Variants in XAB2 observed in about 807,000 individuals in gnomAD.
XAB2 encodes the protein pre-mRNA-splicing factor SYF1.
Under a neutral mutation model 113.4 loss-of-function variants are expected in XAB2, and 57 were observed. That is an observed-to-expected ratio of 0.50 (90% CI 0.41 to 0.63). XAB2 has a LOEUF of 0.63. Ranked by LOEUF, XAB2 falls within the 20% of genes least tolerant of loss-of-function variation. The pLI, the probability that XAB2 is intolerant of heterozygous loss-of-function variation, is 0.00. For synonymous variants in XAB2, 497 were observed against 498.8 expected, an observed-to-expected ratio of 1.00 and a Z score of 0.05; for missense variants, 1,037 against 1,233.3, an observed-to-expected ratio of 0.84 and a Z score of 2.38.
At position 7,627,979 on chromosome 19, in the gene XAB2, C is replaced by G. The variant is rs1458441825; in HGVS notation, c.201-128G>C. Reference sequence around the variant, plus strand: ...GAGGGGTGACATGTCTCAGCAATGACAGGGACAGACTGGGACATCAGAGAA... The same window carrying G: ...GAGGGGTGACATGTCTCAGCAATGAGAGGGACAGACTGGGACATCAGAGAA... On this transcript the variant is annotated intron_variant, in intron 2 of 18. Coordinates refer to ENST00000358368, the MANE Select transcript of XAB2 (RefSeq NM_020196.3). This position sits in a 1 kb window ranked among gnomAD's most constrained non-coding sequence, Gnocchi z 4.5. The G allele has an allele frequency of 6.0e-6, 9 of 1,501,982 alleles. No individual in the cohort carries two copies. In the Admixed American group the frequency reaches 7.5e-5, roughly 13 times the overall value. The allele number at this position is 1,501,982 out of a possible 1,614,324, so 93.0% of individuals were successfully genotyped here.
chr19:7,629,452 A>C (rs749236552), intron 1 of XAB2, 25 bp downstream of exon 1: 1 of 1,581,992 alleles, frequency 6.3e-7, no homozygotes, highest in Admixed American at 1.8e-5. Flanking sequence ...AACGCAGGCC[A>C]CCCCCGGCTC....
Position 7,620,654 on chromosome 19 carries a change from G to C in XAB2, c.1987C>G (p.His663Asp). ...AACCGCAGGCACATCTCACGCGCGT[G>C]CTCGTCCGACAGCACCTGGACACCG... ...QKAIEVLSDE[H>D]AREMCLRFAD... Residue 663 changes from histidine (H) to aspartate (D), a missense_variant, in exon 15 of 19, where the codon CAC becomes GAC. Physicochemically the swap from His to Asp is moderately conservative, Grantham distance 81. Transcript: ENST00000358368. 6.2e-7 allele frequency: 1 copy of C among 1,612,860 alleles called. No individual in the cohort carries two copies. Among genetic ancestry groups the C allele is most frequent in the Non-Finnish European group, 8.5e-7 (1 of 1,179,916 alleles).
Position 7,620,855 on chromosome 19 carries a change from C to T in XAB2, c.1962G>A (p.Lys654=). The change falls in exon 14 of 19, where the codon AAG becomes AAA. Residue 654 remains lysine, a synonymous_variant. Coordinates refer to ENST00000358368, the MANE Select transcript of XAB2 (RefSeq NM_020196.3). ...GVTHTRGIYQ[K]AIEVLSDEHA... is the part of the protein sequence containing the mutation. ...CCCCCACGGTGGGTACCTCAATGGC[C>T]TTCTGGTAGATGCCGCGGGTGTGGG... 1 of 1,584,654 alleles carries T rather than the reference C, an allele frequency of 6.3e-7. No homozygotes were observed. The highest frequency in any genetic ancestry group is 8.6e-7 in the Non-Finnish European group (1 of 1,164,176).
chr19:7,626,039 C>T lies in XAB2; in HGVS notation c.663G>A (p.Trp221Ter). 2 of 1,608,924 alleles carry T rather than the reference C, an allele frequency of 1.2e-6. No individual in the cohort carries two copies. The highest frequency in any genetic ancestry group is 1.7e-6 in the Non-Finnish European group (2 of 1,176,150). The change falls in exon 6 of 19, where the codon TGG (tryptophan) becomes TGA (stop). Residue 221 changes from tryptophan to a stop codon, truncating the protein, a stop_gained. Transcript: ENST00000358368. LOFTEE classifies it high-confidence loss of function. ...SKAGKSNYQL[W>*]HELCDLISQN... is the part of the protein sequence containing the mutation. The stretch of plus-strand genomic sequence containing the variant: ...GGGAGATGAGGTCGCACAGCTCGTG[C>T]CACAGCTGCAGGGCATGGGGCAGTG...
In XAB2 at chr19:7,624,396, T is replaced by G; in HGVS notation, c.872A>C (p.Asp291Ala). ...EAIRTVMTVRDFTQVFDSYAQ... is the reference protein window; with the variant it reads ...EAIRTVMTVRAFTQVFDSYAQ... ...GTAGCTGTCAAACACCTGTGTGAAG[T>G]CCCGCACGGTCATCACTGTCCGGAT... is the stretch of plus-strand genomic sequence containing the variant. Residue 291 changes from aspartate (D) to alanine (A), a missense_variant, in exon 7 of 19, where the codon GAC becomes GCC. Transcript: ENST00000358368. The surrounding 1 kb of genome is among the most constrained non-coding windows in gnomAD (Gnocchi z 4.2). 6.2e-7 allele frequency: 1 copy of G among 1,614,084 alleles called. No homozygotes were observed. The highest frequency in any genetic ancestry group is 8.5e-7 in the Non-Finnish European group (1 of 1,179,994).
At position 7,620,062 on chromosome 19, in the gene XAB2, G is replaced by C. The variant is rs1036958441; in HGVS notation, c.2280C>G (p.Ala760=). The change falls in exon 17 of 19, where the codon GCC becomes GCG. Residue 760 remains alanine (A), a synonymous_variant. Coordinates refer to ENST00000358368, the MANE Select transcript of XAB2 (RefSeq NM_020196.3). ...GSATGTVSDL[A]PGQSGMDDMK... ...TGTCGTCCATGCCACTCTGCCCAGG[G>C]GCCAGGTCAGACACTAGGGGGTGGG... is the stretch of plus-strand genomic sequence containing the variant. 4 of 1,611,672 alleles carry C rather than the reference G, an allele frequency of 2.5e-6. No homozygotes were observed. Among genetic ancestry groups the C allele is most frequent in the Admixed American group, 3.3e-5 (2 of 59,972 alleles).
Position 7,626,287 on chromosome 19 carries a change from C to A in XAB2, c.523-17G>T. 2 of 1,601,022 alleles carry A rather than the reference C, an allele frequency of 1.2e-6. No homozygotes were observed. Among genetic ancestry groups the A allele is most frequent in the Non-Finnish European group, 1.7e-6 (2 of 1,173,924 alleles). ...AGGACTCAGCTGGGGACCGAGCCAC[C>A]CCTCAGGCAGTCAGTGGGGTGGCAG... is the stretch of plus-strand genomic sequence containing the variant. On this transcript the variant is annotated splice_polypyrimidine_tract_variant and intron_variant, in intron 4 of 18. Coordinates refer to ENST00000358368, the MANE Select transcript of XAB2 (RefSeq NM_020196.3).
Position 7,621,127 on chromosome 19 carries a change from C to T in XAB2, c.1780+8G>A, listed in dbSNP as rs747972324. 1.1e-5 allele frequency: 17 copies of T among 1,587,238 alleles called. No individual in the cohort carries two copies. Among genetic ancestry groups the T allele is most frequent in the African/African-American group, 6.7e-5 (5 of 74,412 alleles). ...CGCCACCCCCCCCATGCCCTCTGCC[C>T]GCCTCACTCTTGGCATATTTTGGGG... On this transcript the variant is annotated splice_region_variant and intron_variant, in intron 13 of 18. Transcript: ENST00000358368.
intron 12 of XAB2, 123 bp downstream of exon 12, chr19:7,622,208 T>G: frequency 2.2e-6 from 2 of 926,870 alleles, no homozygotes; most frequent in Non-Finnish European, 3.4e-6. Context: ...TAAATCTTTG[T>G]TGTTTAAGTC....
At position 7,628,817 on chromosome 19, in the gene XAB2, G is replaced by GC. The variant is rs1263712155; in HGVS notation, c.52-520dup. On this transcript the variant is annotated intron_variant, in intron 1 of 18. Transcript: ENST00000358368. The surrounding 1 kb of genome is among the most constrained non-coding windows in gnomAD (Gnocchi z 4.6). ...GTCCAGATTCCAAGCCACTAGCCCC[G>GC]CCCCCAGGATCCCACTAGCCAGCGT... Among the ~76,000 whole-genome samples the GC allele has an allele frequency of 6.6e-6, 1 of 152,012 alleles. No homozygotes were observed. Among genetic ancestry groups the GC allele is most frequent in the African/African-American group, 2.4e-5 (1 of 41,366 alleles).
In XAB2 at chr19:7,625,756, G is replaced by T; in HGVS notation, c.822+124C>A. ...GGCCTCCCAAAGTGCTGGGATGACA[G>T]GTGTGAGCCACCACACCCAGCCATA... On this transcript the variant is annotated intron_variant, in intron 6 of 18. Coordinates refer to ENST00000358368, the MANE Select transcript of XAB2 (RefSeq NM_020196.3). This position sits in a 1 kb window ranked among gnomAD's most constrained non-coding sequence, Gnocchi z 5.2. The T allele has an allele frequency of 7.4e-7, 1 of 1,343,238 alleles. No individual in the cohort carries two copies. The highest frequency in any genetic ancestry group is 9.9e-7 in the Non-Finnish European group (1 of 1,005,262). The allele number at this position is 1,343,238 out of a possible 1,614,324, so 83.2% of individuals were successfully genotyped here. A position where few individuals can be genotyped will look rare whatever the true frequency, so the allele number is the denominator to read the frequency against.
chr19:7,624,514 A>G lies in XAB2; in HGVS notation c.823-69T>C, dbSNP rs2031100187. ...GGGGACAGGCAGCAGCACTCTTAGC[A>G]CCAGCCTCAATGTGGAACCCCTGGG... On this transcript the variant is annotated intron_variant, in intron 6 of 18. Coordinates refer to ENST00000358368, the MANE Select transcript of XAB2 (RefSeq NM_020196.3). The surrounding 1 kb of genome is among the most constrained non-coding windows in gnomAD (Gnocchi z 4.2). 6.2e-7 allele frequency: 1 copy of G among 1,604,712 alleles called. No individual in the cohort carries two copies. The highest frequency in any genetic ancestry group is 8.5e-7 in the Non-Finnish European group (1 of 1,177,724).
At chr19:7,620,471 G>A (rs756980443) in intron 15 of XAB2, 25 bp from the exon 16 acceptor site, 1 of 1,608,232 alleles carries the variant, frequency 6.2e-7, no homozygotes, top group Non-Finnish European at 8.5e-7. Context: ...GGGCAGGGGT[G>A]GGTGTGTGTG....
rs185366349 is a variant in XAB2 at position 7,624,417 on chromosome 19, C to A, written c.851G>T (p.Arg284Leu). 1 of 1,614,016 alleles carries A rather than the reference C, an allele frequency of 6.2e-7. No individual in the cohort carries two copies. Among genetic ancestry groups the A allele is most frequent in the Admixed American group, 1.7e-5 (1 of 60,000 alleles). Reference protein sequence around the residue: ...KARDVYEEAIRTVMTVRDFTQ... With the variant: ...KARDVYEEAILTVMTVRDFTQ... ...GAAGTCCCGCACGGTCATCACTGTC[C>A]GGATGGCCTCCTCGTACACGTCCCG... Residue 284 changes from arginine to leucine, a missense_variant, in exon 7 of 19, where the codon CGG (arginine) becomes CTG (leucine). Arg to Leu is a moderately radical substitution (Grantham distance 102). Coordinates refer to ENST00000358368, the MANE Select transcript of XAB2 (RefSeq NM_020196.3). This position sits in a 1 kb window ranked among gnomAD's most constrained non-coding sequence, Gnocchi z 4.2.
In XAB2 at chr19:7,619,769, G is replaced by A. The variant is rs762444031; in HGVS notation, c.2484C>T (p.Asp828=). Residue 828 remains aspartate, a synonymous_variant, in exon 18 of 19, where the codon GAC becomes GAT. Transcript: ENST00000358368. ...CACCGTTGGGCTCCAGGTCCATCTC[G>A]TCCTCGTCCTCGTCCTCGCCCAGCT... is the stretch of plus-strand genomic sequence containing the variant. The part of the protein sequence containing the change: ...EIQLGEDEDE[D]EMDLEPNEVR... The A allele has an allele frequency of 1.4e-5, 23 of 1,612,510 alleles. No individual in the cohort carries two copies. Among genetic ancestry groups the A allele is most frequent in the South Asian group, 9.9e-5 (9 of 91,036 alleles).
In XAB2 at chr19:7,619,972, G is replaced by T; in HGVS notation, c.2370C>A (p.Arg790=). Residue 790 remains arginine (R), a synonymous_variant, in exon 17 of 19, where the codon CGC becomes CGA. Coordinates refer to ENST00000358368, the MANE Select transcript of XAB2 (RefSeq NM_020196.3). The part of the protein sequence containing the change: ...AAEAERDQPL[R]AQSKILFVRS... The stretch of plus-strand genomic sequence containing the variant: ...TCACGAACAGGATCTTGCTCTGGGC[G>T]CGCAAGGGCTGGTCACGCTCCGCCT... 1.2e-6 allele frequency: 2 copies of T among 1,611,968 alleles called. No homozygotes were observed. Among genetic ancestry groups the T allele is most frequent in the Non-Finnish European group, 8.5e-7 (1 of 1,179,954 alleles).
chr19:7,628,693 C>G lies in XAB2; in HGVS notation c.52-395G>C, dbSNP rs769993377. Among the ~76,000 whole-genome samples the G allele has an allele frequency of 6.6e-6, 1 of 152,118 alleles. No homozygotes were observed. Among genetic ancestry groups the G allele is most frequent in the Non-Finnish European group, 1.5e-5 (1 of 68,024 alleles). On this transcript the variant is annotated intron_variant, in intron 1 of 18. Transcript: ENST00000358368. The surrounding 1 kb of genome is among the most constrained non-coding windows in gnomAD (Gnocchi z 4.6). Reference sequence around the variant, plus strand: ...TCAAAACGTGCCTCTTCCCAGACACCAGGCCTTTGGCCCCTCAGACTCCCA... The same window carrying G: ...TCAAAACGTGCCTCTTCCCAGACACGAGGCCTTTGGCCCCTCAGACTCCCA...
chr19:7,621,098 C>A, intron 13 of XAB2, 37 bp downstream of exon 13: 1 of 1,495,082 alleles, frequency 6.7e-7, no homozygotes, highest in South Asian at 1.2e-5. Context: ...AAACCCAGCC[C>A]GCCCGCCACC....
In XAB2 at chr19:7,627,157, T is replaced by C. The variant is rs2031155643; in HGVS notation, c.522+86A>G. The C allele has an allele frequency of 2.0e-6, 3 of 1,468,824 alleles. No individual in the cohort carries two copies. The highest frequency in any genetic ancestry group is 2.8e-6 in the Non-Finnish European group (3 of 1,070,118). The allele number at this position is 1,468,824 out of a possible 1,614,324, so 91.0% of individuals were successfully genotyped here. The stretch of plus-strand genomic sequence containing the variant: ...GAGCCTCTTCCCACATCCCGTCTGC[T>C]GGGTGACATCCTACGCGGAGCTAGT... On this transcript the variant is annotated intron_variant, in intron 4 of 18. Coordinates refer to ENST00000358368, the MANE Select transcript of XAB2 (RefSeq NM_020196.3). This position sits in a 1 kb window ranked among gnomAD's most constrained non-coding sequence, Gnocchi z 4.5.
Sources: gnomAD v4.1 joint callset for allele counts (sites outside exome capture counted in the v4.1 genomes callset) on GRCh38, gnomAD v4.1.1 for gene constraint, Gnocchi (gnomAD v3.1) non-coding constraint, MANE v1.5 for transcripts, NCBI Gene and HGNC (gene_info 2026-07-23, HGNC 2026-07-21) for gene names.